The following NEGR1 variants were observed in gnomAD, a reference collection of about 807,000 sequenced individuals.
NEGR1 encodes the protein neuronal growth regulator 1.
A neutral mutation model predicts 40.9 loss-of-function variants in NEGR1; 10 were observed. The ratio of observed to expected loss-of-function variants is 0.24; its 90% CI spans 0.15 to 0.42. The LOEUF (loss-of-function observed/expected upper bound fraction) is 0.42. Ranked by LOEUF, NEGR1 falls within the 10% of genes least tolerant of loss-of-function variation. The probability of loss-of-function intolerance (pLI) is 1.00; values close to 1 mark genes in which losing one functional copy is unlikely to be tolerated. For missense variants in NEGR1, 352 were observed against 438.9 expected (o/e 0.80, Z 1.77); for synonymous variants, 185 against 166.8 (o/e 1.11, Z -0.84).
chr1:71,537,335 C>A (rs1405805660), intron 6 of NEGR1, among the ~76,000 whole-genome samples: 1 of 151,590 alleles, frequency 6.6e-6, no homozygotes, highest in Non-Finnish European at 1.5e-5. Flanking sequence ...GAAGAAATAT[C>A]CTATTAACAT....
intron 4 of NEGR1, among the ~76,000 whole-genome samples, chr1:71,684,164 G>A (rs1404101788): frequency 1.3e-5 from 2 of 152,046 alleles, no homozygotes; most frequent in East Asian, 3.9e-4. Flanking sequence ...CAGCTACTGG[G>A]GAGGCTGAGG....
intron 1 of NEGR1, among the ~76,000 whole-genome samples, chr1:72,281,189 G>A (rs559969745): frequency 1.3e-5 from 2 of 152,218 alleles, no homozygotes; most frequent in Admixed American, 1.3e-4. Context: ...ACTGATGGAG[G>A]GAGGAAGGTA....
intron 3 of NEGR1, among the ~76,000 whole-genome samples, chr1:71,748,200 CT>C (rs1373145538): frequency 1.3e-5 from 2 of 152,114 alleles, no homozygotes; most frequent in Non-Finnish European, 2.9e-5. Context: ...ATCTAGTGTT[CT>C]TTCCATTTTC....
Position 71,430,032 on chromosome 1 carries a change from G to A in NEGR1, c.941-22462C>T, listed in dbSNP as rs191611563. Among the ~76,000 whole-genome samples, 282 of 152,264 alleles carry A rather than the reference G, an allele frequency of 1.9e-3. 1 individual carries two copies. The highest frequency in any genetic ancestry group is 3.4e-3 in the Middle Eastern group (1 of 294). ...TATCTCCTAGGACAGATAAGCAGAG[G>A]CAGAAATAAATGTTATATAATTGAA... On this transcript the variant is annotated intron_variant, in intron 6 of 6. Coordinates refer to ENST00000357731, the MANE Select transcript of NEGR1 (RefSeq NM_173808.3).
chr1:72,128,690 C>T lies in NEGR1; in HGVS notation c.176+153629G>A, dbSNP rs551740792. The stretch of plus-strand genomic sequence containing the variant: ...TTCACTATTATAATGGTTAATGTAA[C>T]GTGTCAACTTCACCGAACCAAGGGG... On this transcript the variant is annotated intron_variant, in intron 1 of 6. Coordinates refer to ENST00000357731, the MANE Select transcript of NEGR1 (RefSeq NM_173808.3). Among the ~76,000 whole-genome samples the T allele has an allele frequency of 1.1e-4, 16 of 152,032 alleles. No homozygotes were observed. The South Asian group carries it at 2.7e-3, about 26-fold the overall frequency.
intron 3 of NEGR1, among the ~76,000 whole-genome samples, chr1:71,732,616 G>C (rs538192689): frequency 1.6e-4 from 24 of 152,134 alleles, no homozygotes; most frequent in African/African-American, 5.5e-4. Flanking sequence ...ACCTCTGTGA[G>C]GATGCAGTGC....
At chr1:72,158,000 G>A (rs1184498599) in intron 1 of NEGR1, among the ~76,000 whole-genome samples, 2 of 152,144 alleles carry the variant, frequency 1.3e-5, no homozygotes, top group African/African-American at 4.8e-5. Flanking sequence ...TCCAATTCAT[G>A]GAAGTACTGG....
intron 1 of NEGR1, among the ~76,000 whole-genome samples, chr1:71,947,801 T>C (rs1646035075): frequency 1.3e-5 from 2 of 152,014 alleles, no homozygotes; most frequent in African/African-American, 4.8e-5. Context: ...TGGAAATTAA[T>C]GATCAATAAA....
chr1:72,230,133 C>G (rs1654317597), intron 1 of NEGR1, among the ~76,000 whole-genome samples: 1 of 152,018 alleles, frequency 6.6e-6, no homozygotes, highest in African/African-American at 2.4e-5. Flanking sequence ...GCAAGCAGTC[C>G]AAAGTTCATG....
intron 4 of NEGR1, among the ~76,000 whole-genome samples, chr1:71,647,078 C>T (rs2422012): frequency 0.38 from 57,448 of 151,500 alleles, 11,513 homozygotes; most frequent in East Asian, 0.64. Flanking sequence ...GGAATAGCTA[C>T]TTTATTGGTA....
intron 1 of NEGR1, among the ~76,000 whole-genome samples, chr1:72,073,041 C>T (rs1647540640): frequency 6.6e-6 from 1 of 152,100 alleles, no homozygotes; most frequent in Admixed American, 6.6e-5. Context: ...GGGAATGCTC[C>T]TGGCATTAAA....
At chr1:71,863,798 G>A (rs375757432) in intron 2 of NEGR1, among the ~76,000 whole-genome samples, 4 of 152,000 alleles carry the variant, frequency 2.6e-5, no homozygotes, top group African/African-American at 7.3e-5. Context: ...GAGTGGTCTG[G>A]CAACCACCCA....
At chr1:72,111,547 T>C (rs1649371935) in intron 1 of NEGR1, among the ~76,000 whole-genome samples, 1 of 151,758 alleles carries the variant, frequency 6.6e-6, no homozygotes, top group Non-Finnish European at 1.5e-5. Context: ...GGCACAGTGT[T>C]AGACATAGTA....
At chr1:71,599,737 ATTTAC>A (rs1048242995) in intron 5 of NEGR1, among the ~76,000 whole-genome samples, 1 of 152,176 alleles carries the variant, frequency 6.6e-6, no homozygotes, top group African/African-American at 2.4e-5. Context: ...TGCATGTCTT[ATTTAC>A]TTTATCAATT....
intron 1 of NEGR1, among the ~76,000 whole-genome samples, chr1:72,190,765 A>G (rs1172076046): frequency 6.6e-6 from 1 of 151,584 alleles, no homozygotes; most frequent in Non-Finnish European, 1.5e-5. Context: ...AACTAGGGCC[A>G]CTAAACTGCT....
At chr1:71,792,086 A>G (rs754264588) in intron 2 of NEGR1, among the ~76,000 whole-genome samples, 1 of 152,188 alleles carries the variant, frequency 6.6e-6, no homozygotes, top group Non-Finnish European at 1.5e-5. Flanking sequence ...AATGGACGCA[A>G]AAACAAACAT....
intron 1 of NEGR1, chr1:72,100,839 T>C (rs1648908274): frequency 6.6e-6 from 1 of 152,228 alleles, no homozygotes; most frequent in African/African-American, 2.4e-5. Context: ...AGGCTGGAAG[T>C]ACATGATCAA....
chr1:72,186,554 A>G (rs1328592739), intron 1 of NEGR1, among the ~76,000 whole-genome samples: 1 of 151,604 alleles, frequency 6.6e-6, no homozygotes, highest in Non-Finnish European at 1.5e-5. Flanking sequence ...TAGATATAAA[A>G]CAGAAAAGCT....
intron 2 of NEGR1, among the ~76,000 whole-genome samples, chr1:71,912,216 G>A (rs920575178): frequency 1.3e-5 from 2 of 152,164 alleles, no homozygotes; most frequent in African/African-American, 4.8e-5. Context: ...AGGAGAGAAT[G>A]CACTTTCTTG....
Sources: gnomAD v4.1 joint callset for allele counts (sites outside exome capture counted in the v4.1 genomes callset) on GRCh38, gnomAD v4.1.1 for gene constraint, MANE v1.5 for transcripts, NCBI Gene and HGNC (gene_info 2026-07-23, HGNC 2026-07-21) for gene names.